Variants in ICE1 observed in about 807,000 individuals in gnomAD.
The protein encoded by ICE1 is interactor of little elongation complex ELL subunit 1, also known as little elongation complex subunit 1.
Under a neutral mutation model 192.7 loss-of-function variants are expected in ICE1, and 64 were observed. The observed-to-expected ratio is 0.33, with a 90% confidence interval of 0.27 to 0.41. The LOEUF (loss-of-function observed/expected upper bound fraction) is 0.41, where lower values mean the gene tolerates loss of function less well. ICE1 is among the 10% of genes least tolerant of loss of function. ICE1 has a pLI of 1.00. For synonymous variants in ICE1, 1,010 were observed against 984.5 expected, an observed-to-expected ratio of 1.03 and a Z score of -0.49; for missense variants, 2,708 against 2,696.0, an observed-to-expected ratio of 1.00 and a Z score of -0.10.
intron 10 of ICE1, among the ~76,000 whole-genome samples, chr5:5,448,524 T>G (rs1056878107): frequency 2.0e-5 from 3 of 152,206 alleles, no homozygotes; most frequent in Non-Finnish European, 4.4e-5. Flanking sequence ...TTACTTTCCT[T>G]TTTTTGTATT....
chr5:5,486,783 G>A lies in ICE1; in HGVS notation c.6583G>A (p.Val2195Ile). 1 of 1,601,524 alleles carries A rather than the reference G, an allele frequency of 6.2e-7. No homozygotes were observed. ...ATCTGCTGTGAAAAATATTAGTTCG[G>A]TTATTGGTATGTTTATACAGCATGC... Reference protein sequence around the residue: ...FPSAVKNISSVIGMFIQHAHD... With the variant: ...FPSAVKNISSIIGMFIQHAHD... The change falls in exon 18 of 19, where the codon GTT (valine) becomes ATT (isoleucine). Residue 2195 changes from valine to isoleucine, a missense_variant. This residue lies in a region of ICE1 where 342 missense variants were observed against 419.3 expected (regional missense o/e 0.82). Coordinates refer to ENST00000296564, the MANE Select transcript of ICE1 (RefSeq NM_015325.3).
At position 5,461,862 on chromosome 5, in the gene ICE1, A is replaced by G. The variant is rs1738795553; in HGVS notation, c.2528A>G (p.Asn843Ser). Reference protein sequence around the residue: ...PKPDLLRENNNPVEFKTTASV... With the variant: ...PKPDLLRENNSPVEFKTTASV... ...CCTGATCTTCTTAGAGAAAATAACA[A>G]TCCTGTAGAATTCAAGACCACTGCA... is the stretch of plus-strand genomic sequence containing the variant. Residue 843 changes from asparagine to serine, a missense_variant, in exon 13 of 19, where the codon AAT becomes AGT. Asn to Ser is a conservative substitution (Grantham distance 46). Transcript: ENST00000296564. 7.4e-6 allele frequency: 12 copies of G among 1,613,944 alleles called. No individual in the cohort carries two copies. The highest frequency in any genetic ancestry group is 1.3e-5 in the African/African-American group (1 of 75,054).
Position 5,464,147 on chromosome 5 carries a change from T to G in ICE1, c.4813T>G (p.Leu1605Val). Residue 1605 changes from leucine (L) to valine (V), a missense_variant, in exon 13 of 19, where the codon TTA (leucine) becomes GTA (valine). Leu to Val is a conservative substitution (Grantham distance 32, BLOSUM62 1). This residue lies in a region of ICE1 where 2,366 missense variants were observed against 2,276.6 expected (regional missense o/e 1.04). Coordinates refer to ENST00000296564, the MANE Select transcript of ICE1 (RefSeq NM_015325.3). This position sits in a 1 kb window ranked among gnomAD's most constrained non-coding sequence, Gnocchi z 4.0. ...TCAAAGAAGCCAAACTCAGACCATT[T>G]TAGCAAATGCTGATACATCCACTCC... ...KTQRSQTQTI[L>V]ANADTSTPTD... 1.9e-6 allele frequency: 3 copies of G among 1,613,668 alleles called. No homozygotes were observed. Among genetic ancestry groups the G allele is most frequent in the Non-Finnish European group, 2.5e-6 (3 of 1,179,870 alleles).
intron 6 of ICE1, among the ~76,000 whole-genome samples, chr5:5,444,016 C>T (rs532196901): frequency 1.4e-4 from 21 of 152,218 alleles, no homozygotes; most frequent in South Asian, 6.2e-4. Flanking sequence ...ATGAATGATG[C>T]CACTGCAGTT....
intron 11 of ICE1, among the ~76,000 whole-genome samples, chr5:5,455,414 C>T (rs567041662): frequency 6.6e-6 from 1 of 152,332 alleles, no homozygotes; most frequent in African/African-American, 2.4e-5. Flanking sequence ...GCCCGCAACT[C>T]TTAAATTAGT....
At chr5:5,425,222 A>G (rs765461947) in intron 1 of ICE1, among the ~76,000 whole-genome samples, 4 of 152,184 alleles carry the variant, frequency 2.6e-5, no homozygotes, top group African/African-American at 7.2e-5. Flanking sequence ...TGGCCTAGAA[A>G]TTGAATCTCC....
chr5:5,429,487 G>A (rs1737634141), intron 1 of ICE1, among the ~76,000 whole-genome samples: 1 of 152,202 alleles, frequency 6.6e-6, no homozygotes, highest in Non-Finnish European at 1.5e-5. Flanking sequence ...GCTGGTAGAG[G>A]CCAGGGATTC....
Position 5,463,491 on chromosome 5 carries a change from C to G in ICE1, c.4157C>G (p.Ser1386Cys). The part of the protein sequence containing the change: ...SVMEPSIEQS[S>C]NCEAETTFQC... ...ATGGAGCCATCCATAGAGCAAAGTT[C>G]TAACTGCGAGGCCGAAACAACATTT... The change falls in exon 13 of 19, where the codon TCT (serine) becomes TGT (cysteine). Residue 1386 changes from serine (S) to cysteine (C), a missense_variant. Physicochemically the swap from Ser to Cys is moderately radical, Grantham distance 112. Transcript: ENST00000296564. 5 of 1,613,122 alleles carry G rather than the reference C, an allele frequency of 3.1e-6. No homozygotes were observed. The highest frequency in any genetic ancestry group is 4.2e-6 in the Non-Finnish European group (5 of 1,179,460).
intron 4 of ICE1, among the ~76,000 whole-genome samples, chr5:5,440,512 T>C (rs1738011554): frequency 6.6e-6 from 1 of 152,192 alleles, no homozygotes; most frequent in Non-Finnish European, 1.5e-5. Flanking sequence ...CAGAGCTTTT[T>C]GGTAGACTTT....
rs1214597372 is a variant in ICE1, at chr5:5,464,622, C to T, written c.5288C>T (p.Ala1763Val). Reference sequence around the variant, plus strand: ...ATGTATCCAGAGTTATCTGCCAGGGCCCGGACCCTCAACATCCTCAAAGGG... The same window carrying T: ...ATGTATCCAGAGTTATCTGCCAGGGTCCGGACCCTCAACATCCTCAAAGGG... The part of the protein sequence containing the change: ...DTMYPELSAR[A>V]RTLNILKGNI... The change falls in exon 13 of 19, where the codon GCC (alanine) becomes GTC (valine). Residue 1763 changes from alanine (A) to valine (V), a missense_variant. Physicochemically the swap from Ala to Val is moderately conservative, Grantham distance 64. This residue lies in a region of ICE1 where 2,366 missense variants were observed against 2,276.6 expected (regional missense o/e 1.04). Coordinates refer to ENST00000296564, the MANE Select transcript of ICE1 (RefSeq NM_015325.3). This position sits in a 1 kb window ranked among gnomAD's most constrained non-coding sequence, Gnocchi z 4.0. 1 of 1,612,580 alleles carries T rather than the reference C, an allele frequency of 6.2e-7. No homozygotes were observed. Among genetic ancestry groups the T allele is most frequent in the Non-Finnish European group, 8.5e-7 (1 of 1,179,216 alleles).
chr5:5,463,693 T>G lies in ICE1; in HGVS notation c.4359T>G (p.Asp1453Glu). ...CTGGAGACATCCCTATTTCTCAGGA[T>G]CAAGGAGAGCTGGAAGCTGGTTGCA... ...DIPGDIPISQ[D>E]QGELEAGCIP... Residue 1453 changes from aspartate to glutamate, a missense_variant, in exon 13 of 19, where the codon GAT (aspartate) becomes GAG (glutamate). This residue lies in a region of ICE1 where 2,366 missense variants were observed against 2,276.6 expected (regional missense o/e 1.04). Coordinates refer to ENST00000296564, the MANE Select transcript of ICE1 (RefSeq NM_015325.3). The G allele has an allele frequency of 6.2e-7, 1 of 1,613,848 alleles. No individual in the cohort carries two copies. The highest frequency in any genetic ancestry group is 1.3e-5 in the African/African-American group (1 of 75,016).
intron 15 of ICE1, among the ~76,000 whole-genome samples, chr5:5,470,839 A>T (rs1305846027): frequency 6.6e-6 from 1 of 152,210 alleles, no homozygotes. Context: ...AACAAATAAA[A>T]TATGCAAAGT....
At position 5,428,949 on chromosome 5, in the gene ICE1, G is replaced by C. The variant is rs140871172; in HGVS notation, c.84+5950G>C. Among the ~76,000 whole-genome samples the C allele has an allele frequency of 5.5e-3, 835 of 152,258 alleles. 11 individuals carry two copies. The highest frequency in any genetic ancestry group is 0.019 in the African/African-American group (803 of 41,528). On this transcript the variant is annotated intron_variant, in intron 1 of 18. Transcript: ENST00000296564. ...GTCCCTAAGACCATGCTCATGTTCA[G>C]TACTCATAGGACTTAGCATATAGTT...
Position 5,464,373 on chromosome 5 carries a change from C to A in ICE1, c.5039C>A (p.Ala1680Asp), listed in dbSNP as rs763996985. The change falls in exon 13 of 19, where the codon GCC becomes GAC. Residue 1680 changes from alanine (A) to aspartate (D), a missense_variant. By Grantham distance (126) the Ala-to-Asp change is moderately radical. Around this residue, in one of 2 missense-constraint regions of ICE1, gnomAD observed 2,366 missense variants for 2,276.6 expected, o/e 1.04. Transcript: ENST00000296564. This position sits in a 1 kb window ranked among gnomAD's most constrained non-coding sequence, Gnocchi z 4.0. Reference sequence around the variant, plus strand: ...TTCCGTGAAACCCCAGTGCCTCCTGCCATGTCTCCATGGCCAGAGGACCCC... The same window carrying A: ...TTCCGTGAAACCCCAGTGCCTCCTGACATGTCTCCATGGCCAGAGGACCCC... ...SPFRETPVPP[A>D]MSPWPEDPRR... is the part of the protein sequence containing the mutation. 1.7e-5 allele frequency: 28 copies of A among 1,613,856 alleles called. No individual in the cohort carries two copies. The South Asian group carries it at 2.5e-4, about 15-fold the overall frequency.
At chr5:5,470,561 T>C (rs574206769) in intron 15 of ICE1, among the ~76,000 whole-genome samples, 1 of 152,298 alleles carries the variant, frequency 6.6e-6, no homozygotes, top group Admixed American at 6.5e-5. Flanking sequence ...ACTTACAGAA[T>C]TAAACATCTG....
At chr5:5,488,173 A>G (rs1313652409) in intron 18 of ICE1, among the ~76,000 whole-genome samples, 2 of 152,092 alleles carry the variant, frequency 1.3e-5, no homozygotes, top group Non-Finnish European at 2.9e-5. Flanking sequence ...GGGGAGTAAT[A>G]TTAAGAGCTG....
chr5:5,487,157 C>T (rs1443008151), intron 18 of ICE1, among the ~76,000 whole-genome samples: 1 of 152,116 alleles, frequency 6.6e-6, no homozygotes, highest in East Asian at 1.9e-4. Context: ...TGCGAGGCCT[C>T]CTGGGTGGAG....
At chr5:5,467,372 G>A (rs11956093) in intron 14 of ICE1, among the ~76,000 whole-genome samples, 2,197 of 152,278 alleles carry the variant, frequency 0.014, 66 homozygotes, top group African/African-American at 0.051. Context: ...GGGACGGAAC[G>A]GGTGTGGGCT....
At chr5:5,452,135 C>T (rs572663688) in intron 10 of ICE1, among the ~76,000 whole-genome samples, 2 of 147,022 alleles carry the variant, frequency 1.4e-5, no homozygotes, top group African/African-American at 5.0e-5. Context: ...CTGTCAAAAA[C>T]AAGGCAAGCA....
Sources: gnomAD v4.1 joint callset for allele counts (sites outside exome capture counted in the v4.1 genomes callset) on GRCh38, gnomAD v4.1.1 for gene constraint, gnomAD v4.1.1 regional missense constraint, Gnocchi (gnomAD v3.1) non-coding constraint, MANE v1.5 for transcripts, NCBI Gene and HGNC (gene_info 2026-07-23, HGNC 2026-07-21) for gene names.